Variants in CTSC observed in about 807,000 individuals in gnomAD.
CTSC encodes cathepsin C.
Under a neutral mutation model 40.9 loss-of-function variants are expected in CTSC, and 37 were observed. The ratio of observed to expected loss-of-function variants is 0.91; its 90% CI spans 0.70 to 1.19. The LOEUF is 1.19. Among genes scored for constraint, CTSC ranks in the 50% most tolerant of loss-of-function variants. The pLI is 0.00. For missense variants in CTSC, 594 were observed against 567.3 expected, an observed-to-expected ratio of 1.05 and a Z score of -0.48; for synonymous variants, 232 against 207.4, an observed-to-expected ratio of 1.12 and a Z score of -1.02.
At chr11:88,326,415 A>G (rs1412170561) in intron 2 of CTSC, 2 of 1,613,906 alleles carry the variant, frequency 1.2e-6, no homozygotes, top group Non-Finnish European at 8.5e-7. Context: ...GTTTTAAAAG[A>G]GTCCCTCAAC....
At chr11:88,311,509 CA>C (rs1424991810) in intron 3 of CTSC, among the ~76,000 whole-genome samples, 1 of 152,144 alleles carries the variant, frequency 6.6e-6, no homozygotes, top group Non-Finnish European at 1.5e-5. Context: ...CTCTTCCTTC[CA>C]AAACTAATAA....
intron 2 of CTSC, among the ~76,000 whole-genome samples, chr11:88,332,057 G>C (rs1283710645): frequency 7.9e-5 from 12 of 152,132 alleles, no homozygotes; most frequent in Admixed American, 7.9e-4. Context: ...TATATAAAGA[G>C]GATAAAAGGA....
chr11:88,305,087 G>A (rs1287813311), intron 4 of CTSC, among the ~76,000 whole-genome samples: 1 of 101,116 alleles, frequency 9.9e-6, no homozygotes, highest in Non-Finnish European at 2.1e-5. Flanking sequence ...AACACAGTGA[G>A]ACTCTGTCAA....
At chr11:88,331,567 C>T (rs1938356236) in intron 2 of CTSC, among the ~76,000 whole-genome samples, 1 of 152,220 alleles carries the variant, frequency 6.6e-6, no homozygotes, top group Non-Finnish European at 1.5e-5. Flanking sequence ...TCTTCACCTT[C>T]CTGTCAGACC....
intron 2 of CTSC, among the ~76,000 whole-genome samples, chr11:88,334,454 GAAGAA>G (rs973780118): frequency 9.9e-5 from 15 of 152,236 alleles, no homozygotes; most frequent in African/African-American, 2.9e-4. Context: ...TGTTAGTTTA[GAAGAA>G]AAAATTACTC....
intron 2 of CTSC, among the ~76,000 whole-genome samples, chr11:88,327,631 T>C (rs578091418): frequency 7.2e-5 from 11 of 152,314 alleles, no homozygotes; most frequent in Admixed American, 5.2e-4. Flanking sequence ...AGCTGGGTCA[T>C]GTCAGATAAG....
At chr11:88,302,241 G>T (rs1944373147) in intron 4 of CTSC, among the ~76,000 whole-genome samples, 2 of 152,202 alleles carry the variant, frequency 1.3e-5, no homozygotes, top group African/African-American at 4.8e-5. Flanking sequence ...CAATGGCAAA[G>T]ATTCTTTCTG....
chr11:88,312,527 T>C lies in CTSC; in HGVS notation c.346A>G (p.Thr116Ala). 3 of 1,614,172 alleles carry C rather than the reference T, an allele frequency of 1.9e-6. No individual in the cohort carries two copies. The highest frequency in any genetic ancestry group is 1.7e-6 in the Non-Finnish European group (2 of 1,180,036). ...CCAGTCATTGTCTCGTTGCAGTAAG[T>C]GGTCACCTTGCTGCCCTCTTCTTTA... ...KYKEEGSKVT[T>A]YCNETMTGWV... The change falls in exon 3 of 7, where the codon ACT becomes GCT. Residue 116 changes from threonine (T) to alanine (A), a missense_variant. Coordinates refer to ENST00000227266, the MANE Select transcript of CTSC (RefSeq NM_001814.6).
intron 2 of CTSC, among the ~76,000 whole-genome samples, chr11:88,316,414 T>A (rs1256009243): frequency 6.6e-6 from 1 of 151,926 alleles, no homozygotes; most frequent in Non-Finnish European, 1.5e-5. Context: ...GTTTTGAGGT[T>A]ACAGTGAGCA....
intron 2 of CTSC, chr11:88,326,554 T>C (rs1938195682): frequency 1.4e-6 from 1 of 734,580 alleles, no homozygotes; most frequent in Non-Finnish European, 2.3e-6. Context: ...CCAGCACTGA[T>C]ATTTGAGATC....
At chr11:88,309,668 T>A in intron 3 of CTSC, among the ~76,000 whole-genome samples, 1 of 152,114 alleles carries the variant, frequency 6.6e-6, no homozygotes, top group East Asian at 1.9e-4. Flanking sequence ...TATGGAAGAG[T>A]GCTCACAACT....
At chr11:88,320,704 C>G in intron 2 of CTSC, 1 of 416,678 alleles carries the variant, frequency 2.4e-6, no homozygotes, top group Non-Finnish European at 3.2e-6. Context: ...AGTCTAATCT[C>G]TTTTCCACTA....
chr11:88,309,814 G>GCACACACA (rs71470765), intron 3 of CTSC, among the ~76,000 whole-genome samples: 2 of 118,946 alleles, frequency 1.7e-5, no homozygotes, highest in Non-Finnish European at 3.4e-5. Flanking sequence ...ATGTATGCGC[G>GCACACACA]CACACACACA....
rs1408561853 is a variant in CTSC at position 88,337,594 on chromosome 11, G to A, written c.79C>T (p.Pro27Ser). ...AGGTCAAGATAGGTGCAGTTGGCAG[G>A]TGTGTCGCAGCGCACGGCGCCGTCG... ...SGDGAVRCDT[P>S]ANCTYLDLLG... The change falls in exon 1 of 7, where the codon CCT becomes TCT. Residue 27 changes from proline to serine, a missense_variant. Physicochemically the swap from Pro to Ser is moderately conservative, Grantham distance 74. Coordinates refer to ENST00000227266, the MANE Select transcript of CTSC (RefSeq NM_001814.6). 1 of 1,579,110 alleles carries A rather than the reference G, an allele frequency of 6.3e-7. No homozygotes were observed. The highest frequency in any genetic ancestry group is 2.3e-5 in the East Asian group (1 of 42,900).
intron 2 of CTSC, among the ~76,000 whole-genome samples, chr11:88,314,588 C>T (rs1438023553): frequency 1.3e-5 from 2 of 152,010 alleles, no homozygotes; most frequent in Admixed American, 6.6e-5. Flanking sequence ...AGTACACTGG[C>T]GAGATGTCGG....
rs104894209 is a variant in CTSC at position 88,296,166 on chromosome 11, G to A, written c.856C>T (p.Gln286Ter). 6.2e-7 allele frequency: 1 copy of A among 1,613,890 alleles called. No individual in the cohort carries two copies. Among genetic ancestry groups the A allele is most frequent in the Non-Finnish European group, 8.5e-7 (1 of 1,179,942 alleles). Reference sequence around the variant, plus strand: ...TACTGGCTACAAGACACAACCTCCTGAGGGCTTAGGATTGGGGTCTGAGAA... The same window carrying A: ...TACTGGCTACAAGACACAACCTCCTAAGGGCTTAGGATTGGGGTCTGAGAA... ...NNSQTPILSP[Q>*]EVVSCSQYAQ... Residue 286 changes from glutamine (Q) to a stop codon, truncating the protein, a stop_gained, in exon 6 of 7, where the codon CAG becomes TAG. Transcript: ENST00000227266. LOFTEE classifies it high-confidence loss of function.
chr11:88,328,310 C>T, intron 2 of CTSC: 2 of 764,346 alleles, frequency 2.6e-6, no homozygotes, highest in Middle Eastern at 2.5e-4. Flanking sequence ...TGATACTTTT[C>T]CTCCACTGAA....
rs771363775 is a variant in CTSC at position 88,337,621 on chromosome 11, C to G, written c.52G>C (p.Gly18Arg). 4 of 1,583,070 alleles carry G rather than the reference C, an allele frequency of 2.5e-6. No homozygotes were observed. Among genetic ancestry groups the G allele is most frequent in the Non-Finnish European group, 3.4e-6 (4 of 1,164,056 alleles). ...LLAALLLLLS[G>R]DGAVRCDTPA... ...GTGTCGCAGCGCACGGCGCCGTCGC[C>G]GGAGAGAAGCAGCAGGAGGGCGGCG... Residue 18 changes from glycine (G) to arginine (R), a missense_variant, in exon 1 of 7, where the codon GGC becomes CGC. Transcript: ENST00000227266.
chr11:88,324,672 A>G (rs929061140), intron 2 of CTSC: 2 of 984,832 alleles, frequency 2.0e-6, no homozygotes, highest in Non-Finnish European at 2.4e-6. Context: ...CATGCTACCC[A>G]ATCACTCCAT....
Sources: allele counts gnomAD v4.1 joint callset (sites outside exome capture counted in the v4.1 genomes callset), GRCh38; gene constraint gnomAD v4.1.1; transcripts MANE v1.5; gene names NCBI Gene and HGNC (gene_info 2026-07-23, HGNC 2026-07-21).